Variants in HIRA observed in about 807,000 individuals in gnomAD.
HIRA encodes histone cell cycle regulator, also known as protein HIRA.
In HIRA, 13 loss-of-function variants were observed where a neutral mutation model predicts 126.6. That is an observed-to-expected ratio of 0.10 (90% CI 0.07 to 0.16). HIRA has a LOEUF of 0.16. Among genes scored for constraint, HIRA ranks in the 10% least tolerant of loss-of-function variants. HIRA has a pLI of 1.00. For missense variants in HIRA, 834 were observed against 1,314.4 expected (o/e 0.63, Z 5.65); for synonymous variants, 511 against 520.0 (o/e 0.98, Z 0.24).
In HIRA at chr22:19,359,502, A is replaced by G; in HGVS notation, c.2086-18T>C. 6.3e-7 allele frequency: 1 copy of G among 1,590,064 alleles called. No homozygotes were observed. The highest frequency in any genetic ancestry group is 8.6e-7 in the Non-Finnish European group (1 of 1,168,588). On this transcript the variant is annotated intron_variant, in intron 17 of 24. Transcript: ENST00000263208. ...GAGCTGACCTGGATGAAGTAAACACACGGGTCTGCTCAGACAAGGGCCGCA... is the reference window on the plus strand; with the variant it reads ...GAGCTGACCTGGATGAAGTAAACACGCGGGTCTGCTCAGACAAGGGCCGCA...
intron 1 of HIRA, among the ~76,000 whole-genome samples, chr22:19,416,492 A>G (rs1052291704): frequency 6.6e-6 from 1 of 151,932 alleles, no homozygotes; most frequent in African/African-American, 2.4e-5. Context: ...GGTGCGCACC[A>G]CCACGCCTGG....
intron 19 of HIRA, 114 bp downstream of exon 19, chr22:19,356,776 G>A (rs1229085606): frequency 1.7e-5 from 18 of 1,052,498 alleles, no homozygotes; most frequent in Admixed American, 5.1e-5. Flanking sequence ...GCCTCTTCTG[G>A]GGCCTGATGG....
At chr22:19,340,710 C>CTA (rs1403215924) in intron 24 of HIRA, among the ~76,000 whole-genome samples, 11 of 152,192 alleles carry the variant, frequency 7.2e-5, no homozygotes, top group African/African-American at 2.4e-4. Flanking sequence ...AGTAACACTG[C>CTA]TGTATACCAA....
At chr22:19,388,638 AGCCT>A in intron 9 of HIRA, 84 bp from the exon 10 acceptor site, 1 of 1,038,228 alleles carries the variant, frequency 9.6e-7, no homozygotes, top group Non-Finnish European at 1.5e-6. Flanking sequence ...CCAACCTAGA[AGCCT>A]GGGTCAAAGT....
At chr22:19,401,292 T>C (rs1489790138) in intron 5 of HIRA, among the ~76,000 whole-genome samples, 2 of 152,172 alleles carry the variant, frequency 1.3e-5, no homozygotes, top group East Asian at 3.9e-4. Flanking sequence ...CTCTCTTCAC[T>C]GTCCGTTTTG....
chr22:19,420,038 C>G (rs929305849), intron 1 of HIRA, among the ~76,000 whole-genome samples: 6 of 141,760 alleles, frequency 4.2e-5, no homozygotes, highest in Non-Finnish European at 6.0e-5. Context: ...ACCATACAAC[C>G]ATTGTGTGTG....
chr22:19,347,808 G>C (rs1236255464), intron 24 of HIRA, among the ~76,000 whole-genome samples: 4 of 152,174 alleles, frequency 2.6e-5, no homozygotes, highest in African/African-American at 9.7e-5. Context: ...GTGTAGTGGT[G>C]TGTGCCTGTA....
At chr22:19,343,028 T>C (rs2088648467) in intron 24 of HIRA, among the ~76,000 whole-genome samples, 1 of 152,178 alleles carries the variant, frequency 6.6e-6, no homozygotes. Context: ...TTCTCACTTA[T>C]AAGTAGGAGC....
chr22:19,361,271 G>GGCA lies in HIRA; in HGVS notation c.2048_2050dup (p.Leu683dup), dbSNP rs773690132. 5.2e-5 allele frequency: 84 copies of GGCA among 1,614,060 alleles called. No individual in the cohort carries two copies. Among genetic ancestry groups the GGCA allele is most frequent in the Non-Finnish European group, 6.8e-5 (80 of 1,180,020 alleles). The stretch of plus-strand genomic sequence containing the variant: ...GAATGCTCTCTGGGGGCTTGGAATT[G>GGCA]GCAGCTTCAGTGCAAGTGCTGGTGC... On this transcript the variant is annotated inframe_insertion, in exon 17 of 25. Transcript: ENST00000263208.
chr22:19,350,105 T>C (rs941983738), intron 24 of HIRA, among the ~76,000 whole-genome samples: 1 of 151,968 alleles, frequency 6.6e-6, no homozygotes, highest in African/African-American at 2.4e-5. Context: ...CAGCATGAAA[T>C]AGCAGCCTGC....
At chr22:19,405,666 G>T in intron 5 of HIRA, 120 bp downstream of exon 5, 1 of 873,012 alleles carries the variant, frequency 1.1e-6, no homozygotes, top group Non-Finnish European at 1.6e-6. Context: ...GTGATGGGGT[G>T]GGACAGCCCA....
In HIRA at chr22:19,410,803, A is replaced by G; in HGVS notation, c.38-25T>C. 4 of 1,600,686 alleles carry G rather than the reference A, an allele frequency of 2.5e-6. No individual in the cohort carries two copies. The South Asian group carries it at 4.4e-5, about 18-fold the overall frequency. On this transcript the variant is annotated intron_variant, in intron 1 of 24. Coordinates refer to ENST00000263208, the MANE Select transcript of HIRA (RefSeq NM_003325.4). ...CCTGGAAACAAAGAAAAAAAAATAC[A>G]GTATCTAAATTGGCTTTTATTCATT... is the stretch of plus-strand genomic sequence containing the variant.
intron 3 of HIRA, 103 bp from the exon 4 acceptor site, chr22:19,407,377 C>T (rs1182235206): frequency 2.2e-6 from 2 of 902,874 alleles, no homozygotes; most frequent in African/African-American, 1.6e-5. Context: ...TCTAATCTAT[C>T]TAATCTATTT....
chr22:19,371,851 T>C (rs1452022399), intron 15 of HIRA, among the ~76,000 whole-genome samples: 2 of 152,252 alleles, frequency 1.3e-5, no homozygotes, highest in African/African-American at 4.8e-5. Flanking sequence ...GGGTAAACCA[T>C]ATTTTGTTTA....
chr22:19,357,006 G>C lies in HIRA; in HGVS notation c.2280C>G (p.Phe760Leu). The change falls in exon 19 of 25, where the codon TTC (phenylalanine) becomes TTG (leucine). Residue 760 changes from phenylalanine to leucine, a missense_variant. By Grantham distance (22) the Phe-to-Leu change is conservative. Coordinates refer to ENST00000263208, the MANE Select transcript of HIRA (RefSeq NM_003325.4). ...AGAGGAGACGGCGACCACAGGTGGA[G>C]AACACTGACAGCATCCTTTTTTCAC... is the stretch of plus-strand genomic sequence containing the variant. ...VACEKRMLSV[F>L]STCGRRLLSP... is the part of the protein sequence containing the mutation. 6.2e-7 allele frequency: 1 copy of C among 1,614,028 alleles called. No individual in the cohort carries two copies. The highest frequency in any genetic ancestry group is 1.3e-5 in the African/African-American group (1 of 75,052).
chr22:19,371,939 A>G (rs2146206598), intron 15 of HIRA, among the ~76,000 whole-genome samples: 1 of 152,246 alleles, frequency 6.6e-6, no homozygotes, highest in East Asian at 1.9e-4. Flanking sequence ...TGTATGAGTT[A>G]TTGCATGGAT....
chr22:19,421,601 C>T (rs535275452), intron 1 of HIRA, among the ~76,000 whole-genome samples: 1 of 152,348 alleles, frequency 6.6e-6, no homozygotes, highest in East Asian at 1.9e-4. Context: ...CTTTCACAGT[C>T]TTACTGAGCT....
At chr22:19,348,737 C>A (rs541083481) in intron 24 of HIRA, among the ~76,000 whole-genome samples, 1 of 151,846 alleles carries the variant, frequency 6.6e-6, no homozygotes, top group South Asian at 2.1e-4. Flanking sequence ...CCTCATGATC[C>A]GACCCCCTTG....
chr22:19,417,074 C>G (rs1432257669), intron 1 of HIRA, among the ~76,000 whole-genome samples: 1 of 151,774 alleles, frequency 6.6e-6, no homozygotes, highest in African/African-American at 2.4e-5. Flanking sequence ...GTGGTGGGTG[C>G]CTGTAGTCCT....
Sources: gnomAD v4.1 joint callset for allele counts (sites outside exome capture counted in the v4.1 genomes callset) on GRCh38, gnomAD v4.1.1 for gene constraint, MANE v1.5 for transcripts, NCBI Gene and HGNC (gene_info 2026-07-23, HGNC 2026-07-21) for gene names.